The following SART3 variants were observed in gnomAD, a reference collection of about 807,000 sequenced individuals.
SART3 encodes the protein HIV-1 Tat-interacting protein of 110kDa.
SART3 carries 44 observed loss-of-function variants against 122.3 expected under a neutral mutation model. That is an observed-to-expected ratio of 0.36 (90% CI 0.28 to 0.46). SART3 has a LOEUF of 0.46. SART3 is among the 20% of genes least tolerant of loss of function. The pLI is 1.00. For missense variants in SART3, 1,101 were observed against 1,229.0 expected, an observed-to-expected ratio of 0.90 and a Z score of 1.56; for synonymous variants, 442 against 454.0, an observed-to-expected ratio of 0.97 and a Z score of 0.34.
chr12:108,526,470 C>G lies in SART3; in HGVS notation c.1999G>C (p.Ala667Pro). ...ACATCTACGGCAGCACATTTCCCAG[C>G]GGGCCCTGCTGCTACTTCTACATTT... ...TQNVEVAAGPAGKCAAVDVEP... is the reference protein window; with the variant it reads ...TQNVEVAAGPPGKCAAVDVEP... Residue 667 changes from alanine to proline, a missense_variant, in exon 16 of 19, where the codon GCT becomes CCT. Coordinates refer to ENST00000546815, the MANE Select transcript of SART3 (RefSeq NM_014706.4). 6.2e-7 allele frequency: 1 copy of G among 1,614,134 alleles called. No individual in the cohort carries two copies. The highest frequency in any genetic ancestry group is 8.5e-7 in the Non-Finnish European group (1 of 1,180,028).
At chr12:108,553,064 G>A (rs1043037675) in intron 1 of SART3, among the ~76,000 whole-genome samples, 19 of 152,030 alleles carry the variant, frequency 1.2e-4, no homozygotes, top group Admixed American at 3.3e-4. Context: ...CAAACGCAAT[G>A]CAACAGAGGA....
In SART3 at chr12:108,537,690, TTAAAGAC is replaced by T. The variant is rs375343062; in HGVS notation, c.1202-102_1202-96del. On this transcript the variant is annotated intron_variant, in intron 8 of 18. Coordinates refer to ENST00000546815, the MANE Select transcript of SART3 (RefSeq NM_014706.4). ...ACTGACTATAAAACACTACATGACT[TTAAAGAC>T]TAATAGATGCAACAGAATGAAATGA... is the stretch of plus-strand genomic sequence containing the variant. 116 of 904,236 alleles carry T rather than the reference TTAAAGAC, an allele frequency of 1.3e-4. No individual in the cohort carries two copies. In the African/African-American group the frequency reaches 1.7e-3, roughly 13 times the overall value. The allele number at this position is 904,236 out of a possible 1,614,324, so 56.0% of individuals were successfully genotyped here.
chr12:108,548,032 A>T, intron 2 of SART3, 41 bp from the exon 3 acceptor site: 2 of 1,544,496 alleles, frequency 1.3e-6, no homozygotes, highest in Non-Finnish European at 1.8e-6. Flanking sequence ...ACCAAAGGGT[A>T]GGCTAAGCGC....
At chr12:108,551,363 CAA>C (rs1488765401) in intron 1 of SART3, among the ~76,000 whole-genome samples, 1 of 152,114 alleles carries the variant, frequency 6.6e-6, no homozygotes, top group Admixed American at 6.5e-5. Flanking sequence ...TTACAGAGCT[CAA>C]AGAGACACAG....
chr12:108,547,903 G>A lies in SART3; in HGVS notation c.528C>T (p.Ala176=), dbSNP rs12579216. ...REHVYDLFEK[A]VKDYICPNIW... is the part of the protein sequence containing the mutation. The stretch of plus-strand genomic sequence containing the variant: ...GGAACTTACAAATGTAATCCTTCAC[G>A]GCTTTCTCAAAGAGGTCATACACGT... Residue 176 remains alanine (A), a synonymous_variant, in exon 3 of 19, where the codon GCC becomes GCT. Coordinates refer to ENST00000546815, the MANE Select transcript of SART3 (RefSeq NM_014706.4). The A allele has an allele frequency of 0.1, 160,778 of 1,612,444 alleles. 9,292 individuals are homozygous for A. The highest frequency in any genetic ancestry group is 0.23 in the South Asian group (20,628 of 91,052).
chr12:108,528,482 CAAAAAAAAA>C (rs398039961), intron 15 of SART3, among the ~76,000 whole-genome samples: 1 of 98,512 alleles, frequency 1.0e-5, no homozygotes, highest in Non-Finnish European at 1.9e-5. Flanking sequence ...GACTCCCTCT[CAAAAAAAAA>C]AAAAAAAAAA....
chr12:108,551,470 T>C (rs946437194), intron 1 of SART3, among the ~76,000 whole-genome samples: 6 of 151,830 alleles, frequency 4.0e-5, no homozygotes, highest in African/African-American at 1.2e-4. Flanking sequence ...AAAAAGAAGA[T>C]GAATAAAAGA....
intron 12 of SART3, among the ~76,000 whole-genome samples, chr12:108,533,977 C>G (rs1004055531): frequency 6.6e-6 from 1 of 152,148 alleles, no homozygotes; most frequent in South Asian, 2.1e-4. Flanking sequence ...CTTTCCTAAC[C>G]TCTTCAATGA....
At chr12:108,542,335 G>C (rs1435267458) in intron 6 of SART3, among the ~76,000 whole-genome samples, 1 of 152,148 alleles carries the variant, frequency 6.6e-6, no homozygotes, top group African/African-American at 2.4e-5. Context: ...GCTCACAGCA[G>C]TGCAAACTGA....
chr12:108,523,672 C>A (rs1213430826), intron 18 of SART3, 38 bp from the exon 19 acceptor site: 34 of 1,565,054 alleles, frequency 2.2e-5, no homozygotes, highest in Non-Finnish European at 2.9e-5. Flanking sequence ...TTTGAAGCAA[C>A]AATTCGTGGC....
At position 108,537,481 on chromosome 12, in the gene SART3, TA is replaced by T; in HGVS notation, c.1309+6del. 6.2e-7 allele frequency: 1 copy of T among 1,607,518 alleles called. No individual in the cohort carries two copies. Among genetic ancestry groups the T allele is most frequent in the Non-Finnish European group, 8.5e-7 (1 of 1,173,968 alleles). ...AGCTCTAAAGTGAAAAACATGTGCT[TA>T]AATACCTTGTTTGAAATCAACCCTT... On this transcript the variant is annotated splice_donor_region_variant and intron_variant, in intron 9 of 18. Coordinates refer to ENST00000546815, the MANE Select transcript of SART3 (RefSeq NM_014706.4).
rs371662996 is a variant in SART3, at chr12:108,560,940, A to G, written c.215T>C (p.Met72Thr). The change falls in exon 1 of 19, where the codon ATG (methionine) becomes ACG (threonine). Residue 72 changes from methionine to threonine, a missense_variant. Physicochemically the swap from Met to Thr is moderately conservative, Grantham distance 81. Around this residue, in one of 2 missense-constraint regions of SART3, gnomAD observed 216 missense variants for 148.9 expected, o/e 1.45. Coordinates refer to ENST00000546815, the MANE Select transcript of SART3 (RefSeq NM_014706.4). ...GGGGGAGCTCTCCGCGGAGGAAGCC[A>G]TGGCGTACTCATCCCCATCGCTCTC... ...VSESDGDEYA[M>T]ASSAESSPGE... is the part of the protein sequence containing the mutation. 1.2e-6 allele frequency: 2 copies of G among 1,613,950 alleles called. No homozygotes were observed. Among genetic ancestry groups the G allele is most frequent in the South Asian group, 1.1e-5 (1 of 91,052 alleles).
In SART3 at chr12:108,535,364, C is replaced by A; in HGVS notation, c.1551G>T (p.Leu517=). The A allele has an allele frequency of 6.2e-7, 1 of 1,613,298 alleles. No homozygotes were observed. The highest frequency in any genetic ancestry group is 2.2e-5 in the East Asian group (1 of 44,888). The part of the protein sequence containing the change: ...YANMWLEYYN[L]ERAHGDTQHC... ...CCCACCCCGAGATCAGTTACCTTTC[C>A]AGGTTGTAATACTCTAGCCACATGT... Residue 517 remains leucine, a synonymous_variant, in exon 12 of 19, where the codon CTG becomes CTT. Coordinates refer to ENST00000546815, the MANE Select transcript of SART3 (RefSeq NM_014706.4).
Position 108,525,564 on chromosome 12 carries a change from A to C in SART3, c.2416T>G (p.Ser806Ala). Residue 806 changes from serine to alanine, a missense_variant, in exon 17 of 19, where the codon TCA (serine) becomes GCA (alanine). Ser to Ala is a moderately conservative substitution (Grantham distance 99). Transcript: ENST00000546815. The part of the protein sequence containing the change: ...TSLEKHKLFI[S>A]GLPFSCTKEE... The stretch of plus-strand genomic sequence containing the variant: ...TTAGTACAGGAGAAAGGCAGGCCTG[A>C]GATGAACAGCTTGTGTTTCTCTAGG... 1 of 1,614,120 alleles carries C rather than the reference A, an allele frequency of 6.2e-7. No homozygotes were observed. Among genetic ancestry groups the C allele is most frequent in the Non-Finnish European group, 8.5e-7 (1 of 1,179,966 alleles).
chr12:108,534,875 A>G (rs1354478951), intron 12 of SART3, among the ~76,000 whole-genome samples: 4 of 152,236 alleles, frequency 2.6e-5, no homozygotes, highest in Non-Finnish European at 5.9e-5. Context: ...CATGTTATAA[A>G]TATTGTTAGG....
At chr12:108,549,486 G>T (rs1053624580) in intron 1 of SART3, among the ~76,000 whole-genome samples, 46 of 152,082 alleles carry the variant, frequency 3.0e-4, no homozygotes. Context: ...GCATTCTAAT[G>T]AAACAAATAA....
chr12:108,530,014 C>G (rs1361691998), intron 15 of SART3, 128 bp downstream of exon 15: 3 of 1,102,996 alleles, frequency 2.7e-6, no homozygotes, highest in Non-Finnish European at 4.1e-6. Context: ...GACATACACC[C>G]TAACAGTGAT....
intron 15 of SART3, among the ~76,000 whole-genome samples, chr12:108,528,399 C>G (rs1872494359): frequency 6.7e-6 from 1 of 149,488 alleles, no homozygotes; most frequent in Non-Finnish European, 1.5e-5. Flanking sequence ...AAGAGAATCA[C>G]TTGAACCCAG....
intron 1 of SART3, among the ~76,000 whole-genome samples, chr12:108,558,642 T>A (rs1296525220): frequency 6.6e-6 from 1 of 152,150 alleles, no homozygotes; most frequent in Non-Finnish European, 1.5e-5. Flanking sequence ...TCTGAAGAAA[T>A]GACATCAACA....
Sources: gnomAD v4.1 joint callset for allele counts (sites outside exome capture counted in the v4.1 genomes callset) on GRCh38, gnomAD v4.1.1 for gene constraint, gnomAD v4.1.1 regional missense constraint, MANE v1.5 for transcripts, NCBI Gene and HGNC (gene_info 2026-07-23, HGNC 2026-07-21) for gene names.